GARIN2: variants seen among roughly 807,000 people sequenced by gnomAD.
GARIN2 encodes Golgi-associated RAB2 interactor protein 2.
the GARIN2 span, chr14:67,223,876 A>G: frequency 1.0e-6 from 1 of 985,762 alleles, no homozygotes. Flanking sequence ...ACCCCAAGAA[A>G]AGCAAAGACT....
chr14:67,208,932 C>T, the GARIN2 span, among the ~76,000 whole-genome samples: 44 of 147,448 alleles, frequency 3.0e-4, no homozygotes, highest in Non-Finnish European at 5.2e-4. Context: ...AAAAGAAGCA[C>T]GGAAAAAGCA....
chr14:67,220,299 T>C, the GARIN2 span, among the ~76,000 whole-genome samples: 2 of 151,700 alleles, frequency 1.3e-5, no homozygotes, highest in Non-Finnish European at 2.9e-5. Context: ...AAAAGTTATC[T>C]GGGCGTGGTA....
the GARIN2 span, among the ~76,000 whole-genome samples, chr14:67,190,240 T>C: frequency 6.7e-6 from 1 of 148,228 alleles, no homozygotes; most frequent in African/African-American, 2.5e-5. Flanking sequence ...TTTTTTTTTT[T>C]TGAGACACAG....
chr14:67,203,616 T>C, the GARIN2 span, among the ~76,000 whole-genome samples: 3 of 152,218 alleles, frequency 2.0e-5, no homozygotes, highest in Non-Finnish European at 4.4e-5. Flanking sequence ...TCTCAGCCAC[T>C]AACTTGGTCT....
At chr14:67,193,212 ACATC>A in the GARIN2 span, among the ~76,000 whole-genome samples, 7 of 137,840 alleles carry the variant, frequency 5.1e-5, no homozygotes, top group African/African-American at 1.9e-4. Flanking sequence ...CTCTATATAG[ACATC>A]TATCTATATA....
the GARIN2 span, among the ~76,000 whole-genome samples, chr14:67,215,902 A>G: frequency 6.6e-6 from 1 of 152,204 alleles, no homozygotes; most frequent in Non-Finnish European, 1.5e-5. Flanking sequence ...GAATCATTTC[A>G]GCTACTTCTT....
the GARIN2 span, chr14:67,223,693 T>C: frequency 1.0e-6 from 1 of 959,964 alleles, no homozygotes; most frequent in African/African-American, 1.8e-5. Context: ...TTTTCTCTTA[T>C]GTATTTCTTA....
chr14:67,199,712 C>A, the GARIN2 span: 1 of 1,582,584 alleles, frequency 6.3e-7, no homozygotes, highest in African/African-American at 1.3e-5. Context: ...ACCTCCTTCA[C>A]CCTCTGCCCC....
chr14:67,213,852 C>T, the GARIN2 span, among the ~76,000 whole-genome samples: 1 of 152,162 alleles, frequency 6.6e-6, no homozygotes, highest in African/African-American at 2.4e-5. Flanking sequence ...TTAATGATTG[C>T]CATTCTAACT....
chr14:67,227,079 CAGAG>C, the GARIN2 span, among the ~76,000 whole-genome samples: 1 of 152,186 alleles, frequency 6.6e-6, no homozygotes, highest in Non-Finnish European at 1.5e-5. Context: ...GTCTCATTAA[CAGAG>C]AGCTGCAAAT....
the GARIN2 span, among the ~76,000 whole-genome samples, chr14:67,216,434 T>C: frequency 2.6e-5 from 4 of 152,174 alleles, no homozygotes; most frequent in African/African-American, 7.2e-5. Context: ...TTATTTCTTC[T>C]ACTAATTTTG....
chr14:67,225,956 T>TGA, the GARIN2 span, among the ~76,000 whole-genome samples: 2 of 136,228 alleles, frequency 1.5e-5, no homozygotes, highest in African/African-American at 3.2e-5. Context: ...TGTGTGTGTG[T>TGA]GTGTGTGCGC....
the GARIN2 span, among the ~76,000 whole-genome samples, chr14:67,219,943 G>A: frequency 6.6e-6 from 1 of 152,188 alleles, no homozygotes; most frequent in Non-Finnish European, 1.5e-5. Flanking sequence ...ACTAGCTAGA[G>A]TCTAATTTGA....
chr14:67,205,193 A>C, the GARIN2 span: 1 of 1,172,796 alleles, frequency 8.5e-7, no homozygotes, highest in South Asian at 1.7e-5. Context: ...AATGCTATGG[A>C]ACCTACCTAC....
chr14:67,196,957 C>T, the GARIN2 span: 2 of 152,090 alleles, frequency 1.3e-5, no homozygotes, highest in African/African-American at 4.8e-5. Flanking sequence ...GAGACAGGCT[C>T]TCGCTCTGAT....
chr14:67,209,903 C>T, the GARIN2 span, among the ~76,000 whole-genome samples: 5 of 151,392 alleles, frequency 3.3e-5, no homozygotes, highest in African/African-American at 1.2e-4. Context: ...GTAAGGGATC[C>T]AATTAACAAA....
the GARIN2 span, among the ~76,000 whole-genome samples, chr14:67,193,206 A>T: frequency 1.1e-3 from 158 of 139,750 alleles, no homozygotes; most frequent in Admixed American, 3.9e-3. Context: ...ATATATCTCT[A>T]TATAGACATC....
chr14:67,224,082 A>G, the GARIN2 span: 1 of 810,012 alleles, frequency 1.2e-6, no homozygotes, highest in Non-Finnish European at 1.5e-6. Context: ...CATGATCTCA[A>G]ATTCATCTCT....
chr14:67,210,431 A>G, the GARIN2 span, among the ~76,000 whole-genome samples: 35 of 150,838 alleles, frequency 2.3e-4, no homozygotes, highest in African/African-American at 8.0e-4. Context: ...ATTTAAAAAA[A>G]AGAAGAAGAA....
Sources: allele counts gnomAD v4.1 joint callset (sites outside exome capture counted in the v4.1 genomes callset), GRCh38; gene constraint gnomAD v4.1.1; transcripts MANE v1.5; gene names NCBI Gene and HGNC (gene_info 2026-07-23, HGNC 2026-07-21).